Variants in ACYP2 observed in about 807,000 individuals in gnomAD.
The protein encoded by ACYP2 is acylphosphatase-2.
In ACYP2, 12 loss-of-function variants were observed where a neutral mutation model predicts 11.2. The observed-to-expected ratio is 1.08, with a 90% CI of 0.69 to 1.74. The LOEUF (loss-of-function observed/expected upper bound fraction) is 1.74, where lower values mean the gene tolerates loss of function less well. Ranked by LOEUF, ACYP2 falls within the 40% of genes most tolerant of loss-of-function variation. The pLI is 0.00. For synonymous variants in ACYP2, 43 were observed against 32.2 expected (o/e 1.33, Z -1.13); for missense variants, 134 against 101.9 (o/e 1.31, Z -1.35).
chr2:54,141,165 A>G (rs1477895795), intron 6 of ACYP2, among the ~76,000 whole-genome samples: 1 of 152,154 alleles, frequency 6.6e-6, no homozygotes, highest in Non-Finnish European at 1.5e-5. Flanking sequence ...GCCAATTTTT[A>G]AAAGCTCTTT....
intron 2 of ACYP2, among the ~76,000 whole-genome samples, chr2:54,047,760 A>T (rs1330885023): frequency 6.6e-6 from 1 of 152,240 alleles, no homozygotes; most frequent in African/African-American, 2.4e-5. Flanking sequence ...ACAAATTTTT[A>T]AAGTGTGAGA....
At chr2:54,074,705 G>A (rs191258082) in intron 4 of ACYP2, among the ~76,000 whole-genome samples, 3 of 150,944 alleles carry the variant, frequency 2.0e-5, no homozygotes, top group Admixed American at 1.3e-4. Flanking sequence ...TAAGGAATTC[G>A]CTCACACAGT....
intron 4 of ACYP2, among the ~76,000 whole-genome samples, chr2:54,129,133 G>A (rs568221606): frequency 6.6e-6 from 1 of 152,250 alleles, no homozygotes; most frequent in African/African-American, 2.4e-5. Context: ...TTAACATGAT[G>A]CAGCTAACAT....
chr2:54,023,111 C>G (rs149122367), intron 2 of ACYP2, among the ~76,000 whole-genome samples: 20 of 152,198 alleles, frequency 1.3e-4, no homozygotes, highest in African/African-American at 4.8e-4. Context: ...AATATTTTTT[C>G]TTTCCTATAC....
chr2:54,270,286 A>G (rs2104077573), intron 6 of ACYP2, among the ~76,000 whole-genome samples: 1 of 152,332 alleles, frequency 6.6e-6, no homozygotes, highest in African/African-American at 2.4e-5. Flanking sequence ...TGCTGTCTAA[A>G]GATTTCACAG....
intron 6 of ACYP2, among the ~76,000 whole-genome samples, chr2:54,250,477 T>TGGGGGGGGGGGGG (rs149150140): frequency 8.4e-5 from 7 of 83,748 alleles, no homozygotes; most frequent in East Asian, 3.4e-4. Flanking sequence ...GTGGGTGGGG[T>TGGGGGGGGGGGGG]GGGGGGGGCG....
At chr2:54,089,011 A>G (rs541851820) in intron 4 of ACYP2, among the ~76,000 whole-genome samples, 1 of 152,240 alleles carries the variant, frequency 6.6e-6, no homozygotes, top group Non-Finnish European at 1.5e-5. Flanking sequence ...ATAAGATAGT[A>G]GGAAAGATCA....
At chr2:54,224,781 T>G (rs959214224) in intron 6 of ACYP2, among the ~76,000 whole-genome samples, 2 of 152,234 alleles carry the variant, frequency 1.3e-5, no homozygotes, top group Non-Finnish European at 2.9e-5. Flanking sequence ...AACTTCTTAT[T>G]CGTTATCTTT....
At chr2:54,029,378 C>G (rs1028699992) in intron 2 of ACYP2, among the ~76,000 whole-genome samples, 4 of 122,590 alleles carry the variant, frequency 3.3e-5, no homozygotes, top group Admixed American at 8.1e-5. Flanking sequence ...AGGTTTCTTA[C>G]ATTTTATTAC....
intron 2 of ACYP2, among the ~76,000 whole-genome samples, chr2:53,999,405 G>T (rs773004876): frequency 1.2e-4 from 18 of 152,160 alleles, no homozygotes; most frequent in Non-Finnish European, 2.2e-4. Flanking sequence ...CCCACTTAGT[G>T]AGTGAAATCT....
intron 4 of ACYP2, among the ~76,000 whole-genome samples, chr2:54,098,205 G>T (rs1013089009): frequency 4.6e-5 from 7 of 152,100 alleles, no homozygotes; most frequent in African/African-American, 1.7e-4. Flanking sequence ...CTGACCTTAG[G>T]AGATCCACCT....
intron 6 of ACYP2, among the ~76,000 whole-genome samples, chr2:54,222,526 G>C (rs1295059015): frequency 2.7e-5 from 4 of 149,438 alleles, no homozygotes; most frequent in Non-Finnish European, 4.4e-5. Context: ...CACCAGCCTG[G>C]GTGACAGAGC....
chr2:54,245,710 A>ATTT (rs201904157), intron 6 of ACYP2, among the ~76,000 whole-genome samples: 18 of 142,920 alleles, frequency 1.3e-4, no homozygotes, highest in African/African-American at 3.6e-4. Flanking sequence ...TTTTAATCAG[A>ATTT]TTTTTTTTTT....
chr2:54,236,871 A>C (rs916298147), intron 6 of ACYP2, among the ~76,000 whole-genome samples: 4 of 152,198 alleles, frequency 2.6e-5, no homozygotes, highest in African/African-American at 9.7e-5. Flanking sequence ...TAGAAGTATT[A>C]TCTCTTAATA....
At chr2:54,012,614 C>T (rs1673434634) in intron 2 of ACYP2, among the ~76,000 whole-genome samples, 1 of 152,136 alleles carries the variant, frequency 6.6e-6, no homozygotes, top group African/African-American at 2.4e-5. Context: ...GCACTGAGGC[C>T]GTCAGTCACC....
intron 6 of ACYP2, among the ~76,000 whole-genome samples, chr2:54,149,984 C>A (rs1234360000): frequency 2.6e-5 from 4 of 152,136 alleles, no homozygotes; most frequent in Admixed American, 2.6e-4. Flanking sequence ...TGATTGGAGC[C>A]ATGGGTGAAT....
chr2:54,091,668 T>C (rs1678240718), intron 4 of ACYP2, among the ~76,000 whole-genome samples: 1 of 152,022 alleles, frequency 6.6e-6, no homozygotes, highest in Non-Finnish European at 1.5e-5. Context: ...TGTGCCACCA[T>C]GCCCGGCTAA....
At chr2:54,063,118 T>C (rs187015204) in intron 4 of ACYP2, among the ~76,000 whole-genome samples, 1 of 152,058 alleles carries the variant, frequency 6.6e-6, no homozygotes, top group Non-Finnish European at 1.5e-5. Context: ...GTGGGGAAGA[T>C]AGAAAATAAT....
At chr2:54,133,486 T>C (rs1182692770) in intron 4 of ACYP2, among the ~76,000 whole-genome samples, 1 of 152,212 alleles carries the variant, frequency 6.6e-6, no homozygotes, top group Non-Finnish European at 1.5e-5. Flanking sequence ...CCATGTGTTC[T>C]AGGTAGAAAT....
Sources: allele counts gnomAD v4.1 joint callset (sites outside exome capture counted in the v4.1 genomes callset), GRCh38; gene constraint gnomAD v4.1.1; transcripts MANE v1.5; gene names NCBI Gene and HGNC (gene_info 2026-07-23, HGNC 2026-07-21).